SI: variants seen among roughly 807,000 people sequenced by gnomAD.
SI encodes sucrase-isomaltase, also known as sucrase-isomaltase, intestinal.
A neutral mutation model predicts 253.3 loss-of-function variants in SI; 235 were observed. The ratio of observed to expected loss-of-function variants is 0.93; its 90% CI spans 0.83 to 1.03. The LOEUF is 1.03. Ranked by LOEUF, SI falls within the 50% of genes least tolerant of loss-of-function variation. The probability of loss-of-function intolerance (pLI) is 0.00; values close to 1 mark genes in which losing one functional copy is unlikely to be tolerated. For synonymous variants in SI, 819 were observed against 712.0 expected, an observed-to-expected ratio of 1.15 and a Z score of -2.39; for missense variants, 2,442 against 2,211.1, an observed-to-expected ratio of 1.10 and a Z score of -2.09.
intron 25 of SI, among the ~76,000 whole-genome samples, chr3:165,025,243 A>G (rs947223885): frequency 1.3e-5 from 2 of 151,264 alleles, no homozygotes; most frequent in Non-Finnish European, 3.0e-5. Context: ...AGGCAGAGGA[A>G]AGAACTTCAG....
At chr3:165,063,299 ATCT>A in intron 8 of SI, 140 bp downstream of exon 8, 1 of 469,114 alleles carries the variant, frequency 2.1e-6, no homozygotes, top group Non-Finnish European at 3.9e-6. Flanking sequence ...TAATTTCAAA[ATCT>A]TCTTATAATA....
At chr3:165,086,800 G>A in the SI span, among the ~76,000 whole-genome samples, 1 of 152,264 alleles carries the variant, frequency 6.6e-6, no homozygotes, top group African/African-American at 2.4e-5. Flanking sequence ...TAAGGAGTAT[G>A]CCACTGGAAC....
In SI at chr3:165,047,094, A is replaced by C; in HGVS notation, c.1716-82T>G. On this transcript the variant is annotated intron_variant, in intron 15 of 47. Transcript: ENST00000264382. ...TTAAATTCTAAAATTTCATAATTCC[A>C]AAGCCATGTGATATAGTTTGGCTGT... The C allele has an allele frequency of 2.6e-6, 3 of 1,147,148 alleles. 1 individual carries two copies. 71.1% of individuals were successfully genotyped at this position (1,147,148 alleles called of 1,614,324 possible).
intron 13 of SI, among the ~76,000 whole-genome samples, chr3:165,052,220 A>G (rs9878803): frequency 0.58 from 88,491 of 151,932 alleles, 26,174 homozygotes; most frequent in East Asian, 0.81. Context: ...TAATTTATCC[A>G]AATGATTTAA....
chr3:164,997,373 G>T (rs952151180), intron 38 of SI, among the ~76,000 whole-genome samples: 1 of 151,176 alleles, frequency 6.6e-6, no homozygotes, highest in African/African-American at 2.4e-5. Flanking sequence ...TATTAAAATG[G>T]TAATGTCTTA....
rs138742044 is a variant in SI at position 165,058,859 on chromosome 3, T to TAC, written c.1398+102_1398+103dup. The TAC allele has an allele frequency of 3.8e-3, 2,396 of 636,636 alleles. 6 individuals carry two copies. Among genetic ancestry groups the TAC allele is most frequent in the African/African-American group, 5.9e-3 (318 of 53,958 alleles). 39.4% of individuals were successfully genotyped at this position (636,636 alleles called of 1,614,324 possible). A position where few individuals can be genotyped will look rare whatever the true frequency, so the allele number is the denominator to read the frequency against. The stretch of plus-strand genomic sequence containing the variant: ...TAAAATTCAGACTTGAAAGCAGACA[T>TAC]ACACACACACACACACACACACACA... On this transcript the variant is annotated intron_variant, in intron 12 of 47. Coordinates refer to ENST00000264382, the MANE Select transcript of SI (RefSeq NM_001041.4).
rs78428100 is a variant in SI, at chr3:164,994,319, A to G, written c.4779T>C (p.Phe1593=). 15,934 of 1,611,202 alleles carry G rather than the reference A, an allele frequency of 9.9e-3. 1,345 individuals are homozygous for G. In the African/African-American group the frequency reaches 0.19, roughly 19 times the overall value. ...LNIRYTLLPY[F]YTQMHEIHAN... ...CATGAATTTCATGCATTTGTGTGTA[A>G]AAATAGGGCAATAAGGTGTATCTAA... Residue 1593 remains phenylalanine (F), a synonymous_variant, in exon 41 of 48, where the codon TTT becomes TTC. Coordinates refer to ENST00000264382, the MANE Select transcript of SI (RefSeq NM_001041.4).
intron 45 of SI, 92 bp from the exon 46 acceptor site, chr3:164,983,143 A>T (rs1717276542): frequency 1.6e-6 from 2 of 1,216,466 alleles, no homozygotes; most frequent in Non-Finnish European, 2.3e-6. Flanking sequence ...TTCCCAGTAT[A>T]AAAAGTAGCA....
At chr3:165,032,846 A>C (rs150314308) in intron 23 of SI, among the ~76,000 whole-genome samples, 154 bp from the exon 24 acceptor site, 1 of 151,618 alleles carries the variant, frequency 6.6e-6, no homozygotes, top group African/African-American at 2.4e-5. Flanking sequence ...TATACTCATT[A>C]ATATCTATTT....
At chr3:165,061,317 C>G (rs1713974690) in intron 9 of SI, among the ~76,000 whole-genome samples, 1 of 151,716 alleles carries the variant, frequency 6.6e-6, no homozygotes, top group Non-Finnish European at 1.5e-5. Flanking sequence ...TTGTTTCTCT[C>G]TCTTGTTCAT....
Position 165,043,122 on chromosome 3 carries a change from T to C in SI, c.1941A>G (p.Arg647=), listed in dbSNP as rs768553931. The C allele has an allele frequency of 5.0e-6, 8 of 1,612,822 alleles. No individual in the cohort carries two copies. Among genetic ancestry groups the C allele is most frequent in the Non-Finnish European group, 6.8e-6 (8 of 1,179,262 alleles). The change falls in exon 17 of 48, where the codon AGA becomes AGG. Residue 647 remains arginine, a synonymous_variant. Coordinates refer to ENST00000264382, the MANE Select transcript of SI (RefSeq NM_001041.4). Reference sequence around the variant, plus strand: ...AAAATGCCCCAAGTTGCATCCATCTTCTGCAAAGTTCTTCTGTGGTTTCAG... The same window carrying C: ...AAAATGCCCCAAGTTGCATCCATCTCCTGCAAAGTTCTTCTGTGGTTTCAG... ...FVAETTEELC[R]RWMQLGAFYP... is the part of the protein sequence containing the mutation.
intron 47 of SI, among the ~76,000 whole-genome samples, chr3:164,979,948 G>T (rs1717101777): frequency 6.6e-6 from 1 of 151,816 alleles, no homozygotes; most frequent in African/African-American, 2.4e-5. Context: ...ACTCTAGAGA[G>T]ATTATTATCT....
intron 10 of SI, 33 bp from the exon 11 acceptor site, chr3:165,059,332 G>A: frequency 6.2e-7 from 1 of 1,600,912 alleles, no homozygotes; most frequent in Non-Finnish European, 8.6e-7. Context: ...TCAATACATA[G>A]TACTGAAAGA....
intron 45 of SI, among the ~76,000 whole-genome samples, chr3:164,985,228 T>C (rs1717383429): frequency 6.6e-6 from 1 of 152,158 alleles, no homozygotes; most frequent in Admixed American, 6.6e-5. Flanking sequence ...TTTGTCTGCC[T>C]AACTGATGAA....
In SI at chr3:165,057,372, T is replaced by C. The variant is rs183994286; in HGVS notation, c.1398+1591A>G. Among the ~76,000 whole-genome samples, 231 of 151,934 alleles carry C rather than the reference T, an allele frequency of 1.5e-3. 2 individuals carry two copies. Among genetic ancestry groups the C allele is most frequent in the Non-Finnish European group, 1.5e-3 (103 of 67,980 alleles). On this transcript the variant is annotated intron_variant, in intron 12 of 47. Coordinates refer to ENST00000264382, the MANE Select transcript of SI (RefSeq NM_001041.4). ...TAGTCTCAAAAGTGCAAATCTGAGT[T>C]ATTGGCCTTAAAGAGGAAGTAGAGA... is the stretch of plus-strand genomic sequence containing the variant.
chr3:165,032,523 T>A lies in SI; in HGVS notation c.2735A>T (p.Gln912Leu). 1 of 1,593,384 alleles carries A rather than the reference T, an allele frequency of 6.3e-7. No individual in the cohort carries two copies. Among genetic ancestry groups the A allele is most frequent in the Non-Finnish European group, 8.6e-7 (1 of 1,163,498 alleles). ...HSNFTYDASN[Q>L]VLLIADLKLN... ...AATATTTTAAAAGATTGTAATTACC[T>A]GGTTAGAAGCATCATAAGTGAAATT... is the stretch of plus-strand genomic sequence containing the variant. The change falls in exon 24 of 48, where the codon CAG becomes CTG. Residue 912 changes from glutamine (Q) to leucine (L), a missense_variant and splice_region_variant. Gln to Leu is a moderately radical substitution (Grantham distance 113). Coordinates refer to ENST00000264382, the MANE Select transcript of SI (RefSeq NM_001041.4).
chr3:165,025,212 G>A (rs914473621), intron 25 of SI, among the ~76,000 whole-genome samples: 1 of 151,080 alleles, frequency 6.6e-6, no homozygotes, highest in Non-Finnish European at 1.5e-5. Context: ...AGAAATGAAA[G>A]TCTCAGCAAT....
chr3:164,979,521 T>C, intron 47 of SI, 91 bp from the exon 48 acceptor site: 2 of 731,862 alleles, frequency 2.7e-6, no homozygotes, highest in Non-Finnish European at 4.8e-6. Flanking sequence ...TTCTAATAAA[T>C]AGTATATACC....
At chr3:165,064,429 C>A (rs947263870) in intron 7 of SI, among the ~76,000 whole-genome samples, 1 of 152,196 alleles carries the variant, frequency 6.6e-6, no homozygotes, top group South Asian at 2.1e-4. Flanking sequence ...ATTAATAATT[C>A]TGTACCAAAT....
Sources: allele counts gnomAD v4.1 joint callset (sites outside exome capture counted in the v4.1 genomes callset), GRCh38; gene constraint gnomAD v4.1.1; transcripts MANE v1.5; gene names NCBI Gene and HGNC (gene_info 2026-07-23, HGNC 2026-07-21).